Variants in ADGRG2 observed in about 807,000 individuals in gnomAD.
ADGRG2 encodes adhesion G protein-coupled receptor G2.
In ADGRG2, 26 loss-of-function variants were observed where a neutral mutation model predicts 74.1. The ratio of observed to expected loss-of-function variants is 0.35; its 90% CI spans 0.26 to 0.49. The LOEUF (loss-of-function observed/expected upper bound fraction) is 0.49, where lower values mean the gene tolerates loss of function less well. Among genes scored for constraint, ADGRG2 ranks in the 20% least tolerant of loss-of-function variants. ADGRG2 has a pLI of 0.99. For missense variants in ADGRG2, 619 were observed against 763.1 expected (o/e 0.81, Z 2.22); for synonymous variants, 296 against 295.2 (o/e 1.00, Z -0.03).
At chrX:19,115,972 G>A (rs1471359535) in intron 1 of ADGRG2, among the ~76,000 whole-genome samples, 1 of 110,465 alleles carries the variant, frequency 9.1e-6, no homozygotes, top group Admixed American at 9.7e-5. Context: ...CACTTTGGGA[G>A]ACTGAGGCAG....
intron 7 of ADGRG2, 69 bp downstream of exon 7, chrX:19,035,873 G>C (rs1262067281): frequency 1.2e-5 from 7 of 560,491 alleles, no homozygotes; most frequent in African/African-American, 2.3e-5. Context: ...TAACCCAGTA[G>C]ACTGCACAAG....
chrX:19,030,210 C>A (rs1428547055), intron 9 of ADGRG2, among the ~76,000 whole-genome samples: 3 of 111,771 alleles, frequency 2.7e-5, no homozygotes, highest in Non-Finnish European at 5.6e-5. Flanking sequence ...ACATAAAATA[C>A]CTAGTTAACT....
intron 13 of ADGRG2, among the ~76,000 whole-genome samples, chrX:19,023,197 A>G (rs2060630164): frequency 9.1e-6 from 1 of 109,648 alleles, no homozygotes; most frequent in Non-Finnish European, 1.9e-5. Context: ...AAATGGCCCG[A>G]TACTACACAC....
rs150520601 is a variant in ADGRG2, at chrX:19,095,740, G to A, written c.-46-12994C>T. ...TAAAAACAGTGCCGGGGAGCCAGGC[G>A]CAATGGCTCACACCTGTTATCCCAG... On this transcript the variant is annotated intron_variant, in intron 1 of 28. Transcript: ENST00000379869. Among the ~76,000 whole-genome samples, 514 of 111,839 alleles carry A rather than the reference G, an allele frequency of 4.6e-3. 3 individuals carry two copies. Among genetic ancestry groups the A allele is most frequent in the African/African-American group, 0.016 (495 of 30,837 alleles).
intron 22 of ADGRG2, 22 bp downstream of exon 22, chrX:19,005,980 C>T: frequency 9.6e-7 from 1 of 1,039,170 alleles, no homozygotes; most frequent in African/African-American, 1.8e-5. Context: ...GAATTTAAGG[C>T]CACGTGGCAC....
At chrX:19,016,246 T>C (rs1457195834) in intron 15 of ADGRG2, among the ~76,000 whole-genome samples, 1 of 111,863 alleles carries the variant, frequency 8.9e-6, no homozygotes, top group Non-Finnish European at 1.9e-5. Flanking sequence ...AATCACCACC[T>C]AGATCAAAGC....
chrX:19,119,283 C>A (rs989760622), intron 1 of ADGRG2, among the ~76,000 whole-genome samples: 2 of 112,142 alleles, frequency 1.8e-5, no homozygotes, highest in Non-Finnish European at 1.9e-5. Context: ...TATTTGATTG[C>A]GGGAATTTAT....
chrX:19,099,779 A>C (rs1242985369), intron 1 of ADGRG2, among the ~76,000 whole-genome samples: 2 of 112,055 alleles, frequency 1.8e-5, no homozygotes, highest in African/African-American at 6.5e-5. Flanking sequence ...TGATGCCTGT[A>C]ATCCCAACAT....
At chrX:19,056,460 A>G (rs2061412115) in intron 3 of ADGRG2, among the ~76,000 whole-genome samples, 1 of 111,599 alleles carries the variant, frequency 9.0e-6, no homozygotes, top group African/African-American at 3.3e-5. Flanking sequence ...GCGAATGTTC[A>G]TATCGTGGTT....
intron 26 of ADGRG2, among the ~76,000 whole-genome samples, chrX:18,998,270 A>G (rs1049741501): frequency 2.7e-5 from 3 of 111,657 alleles, no homozygotes; most frequent in African/African-American, 9.8e-5. Context: ...GAGCTCCCAC[A>G]GGCACAGTCA....
intron 23 of ADGRG2, among the ~76,000 whole-genome samples, chrX:19,004,041 G>A (rs770878660): frequency 1.5e-4 from 17 of 112,217 alleles, no homozygotes; most frequent in Non-Finnish European, 3.0e-4. Flanking sequence ...TAGAAGATCC[G>A]TAGTCACAGC....
rs150481353 is a variant in ADGRG2, at chrX:19,106,972, C to T, written c.-47+15470G>A. 6.6e-3 allele frequency among the ~76,000 whole-genome samples: 733 copies of T among 110,430 alleles called. 8 individuals carry two copies. Among genetic ancestry groups the T allele is most frequent in the African/African-American group, 0.023 (684 of 30,339 alleles). Reference sequence around the variant, plus strand: ...GTCTGCTGCTTTAATGCAGGCTACACACAACCTGGTTCTGCCGGCAGTGCT... The same window carrying T: ...GTCTGCTGCTTTAATGCAGGCTACATACAACCTGGTTCTGCCGGCAGTGCT... On this transcript the variant is annotated intron_variant, in intron 1 of 28. Coordinates refer to ENST00000379869, the MANE Select transcript of ADGRG2 (RefSeq NM_001079858.3).
chrX:19,053,534 G>A (rs1276475195), intron 3 of ADGRG2, among the ~76,000 whole-genome samples: 2 of 111,788 alleles, frequency 1.8e-5, no homozygotes, highest in Non-Finnish European at 1.9e-5. Flanking sequence ...TCCAAATCCT[G>A]GCTCTGCCAT....
chrX:19,112,964 AAAC>A (rs1457392116), intron 1 of ADGRG2, among the ~76,000 whole-genome samples: 15 of 99,343 alleles, frequency 1.5e-4, no homozygotes, highest in African/African-American at 5.0e-4. Context: ...CTCAAACACA[AAAC>A]AACAACAACA....
At chrX:19,048,781 G>T (rs2061248014) in intron 3 of ADGRG2, among the ~76,000 whole-genome samples, 1 of 112,118 alleles carries the variant, frequency 8.9e-6, no homozygotes, top group Admixed American at 9.4e-5. Context: ...CATTTAGAAT[G>T]CTAGCCATGA....
At chrX:19,029,600 C>T (rs760665066) in intron 9 of ADGRG2, among the ~76,000 whole-genome samples, 2 of 111,154 alleles carry the variant, frequency 1.8e-5, no homozygotes, top group African/African-American at 6.5e-5. Context: ...TTGTTGTCAC[C>T]GACACTAAAA....
In ADGRG2 at chrX:19,035,936, T is replaced by C. The variant is rs781328505; in HGVS notation, c.262+6A>G. The C allele has an allele frequency of 3.1e-6, 3 of 955,536 alleles. No homozygotes were observed. The East Asian group carries it at 9.4e-5, about 30-fold the overall frequency. The allele number at this position is 955,536 out of a possible 1,213,427, so 78.7% of individuals were successfully genotyped here. On this transcript the variant is annotated splice_donor_region_variant and intron_variant, in intron 7 of 28. Transcript: ENST00000379869. ...GCTATTACATTTAGAAATCACTTGATATTACCTGTTTCGTTTGAAGGGAGT... is the reference window on the plus strand; with the variant it reads ...GCTATTACATTTAGAAATCACTTGACATTACCTGTTTCGTTTGAAGGGAGT...
At chrX:19,010,888 C>G in intron 16 of ADGRG2, 110 bp from the exon 17 acceptor site, 2 of 494,392 alleles carry the variant, frequency 4.0e-6, no homozygotes, top group Non-Finnish European at 3.3e-6. Context: ...GGTATTTGCC[C>G]CAGATAAATA....
intron 1 of ADGRG2, among the ~76,000 whole-genome samples, chrX:19,099,146 T>C (rs1295473193): frequency 9.1e-6 from 1 of 110,484 alleles, no homozygotes; most frequent in Non-Finnish European, 1.9e-5. Flanking sequence ...ATCGCGCCAC[T>C]GCACTCCAGC....
Sources: allele counts gnomAD v4.1 joint callset (sites outside exome capture counted in the v4.1 genomes callset), GRCh38; gene constraint gnomAD v4.1.1; transcripts MANE v1.5; gene names NCBI Gene and HGNC (gene_info 2026-07-23, HGNC 2026-07-21).